The following RARB variants were observed in gnomAD, a reference collection of about 807,000 sequenced individuals.
RARB encodes the protein HBV-activated protein.
RARB carries 17 observed loss-of-function variants against 51.9 expected under a neutral mutation model. The ratio of observed to expected loss-of-function variants is 0.33; its 90% CI spans 0.22 to 0.49. The LOEUF (loss-of-function observed/expected upper bound fraction) is 0.49, where lower values mean the gene tolerates loss of function less well. RARB is among the 20% of genes least tolerant of loss of function. The pLI is 0.99. For synonymous variants in RARB, 215 were observed against 195.4 expected, an observed-to-expected ratio of 1.10 and a Z score of -0.84; for missense variants, 369 against 550.8, an observed-to-expected ratio of 0.67 and a Z score of 3.30.
chr3:25,516,451 T>C (rs1243157747), intron 3 of RARB, among the ~76,000 whole-genome samples: 3 of 152,196 alleles, frequency 2.0e-5, no homozygotes, highest in Non-Finnish European at 4.4e-5. Context: ...AGGTGCTTTA[T>C]ATTTTGATTC....
rs149674602 is a variant in RARB, at chr3:25,244,990, C to T, written c.178+70415C>T. Among the ~76,000 whole-genome samples, 344 of 152,162 alleles carry T rather than the reference C, an allele frequency of 2.3e-3. 1 individual carries two copies. Among genetic ancestry groups the T allele is most frequent in the African/African-American group, 6.5e-3 (268 of 41,542 alleles). On this transcript the variant is annotated intron_variant, in intron 5 of 11. Coordinates refer to the RARB transcript ENST00000383772. The stretch of plus-strand genomic sequence containing the variant: ...CTTGCTTTATGAATCTGGGTGCTCC[C>T]GTATTGGGTGCATATATATTTAGAA...
chr3:25,537,256 G>T (rs1041920139), intron 3 of RARB, among the ~76,000 whole-genome samples: 2 of 152,228 alleles, frequency 1.3e-5, no homozygotes, highest in Non-Finnish European at 2.9e-5. Context: ...CATCTGGAAA[G>T]GGCCATTTGA....
chr3:24,980,235 A>G (rs1199221375), intron 2 of RARB, among the ~76,000 whole-genome samples: 1 of 151,998 alleles, frequency 6.6e-6, no homozygotes, highest in African/African-American at 2.4e-5. Context: ...GGTGAATCTG[A>G]CAATTATGTG....
At chr3:25,129,568 T>A (rs1699912738) in intron 3 of RARB, among the ~76,000 whole-genome samples, 1 of 152,086 alleles carries the variant, frequency 6.6e-6, no homozygotes, top group Non-Finnish European at 1.5e-5. Context: ...TAAATTATAG[T>A]CATAGACTAC....
At chr3:24,845,484 G>A (rs1308212279) in intron 1 of RARB, among the ~76,000 whole-genome samples, 1 of 152,184 alleles carries the variant, frequency 6.6e-6, no homozygotes, top group Non-Finnish European at 1.5e-5. Context: ...GGGCAAGAGA[G>A]AGAGAGAATC....
chr3:25,182,250 A>G (rs1700877041), intron 5 of RARB, among the ~76,000 whole-genome samples: 1 of 152,216 alleles, frequency 6.6e-6, no homozygotes, highest in Admixed American at 6.5e-5. Context: ...AAATAAACTG[A>G]CTAGAAAATA....
intron 1 of RARB, among the ~76,000 whole-genome samples, chr3:24,852,645 A>T (rs1338516331): frequency 6.6e-6 from 1 of 152,228 alleles, no homozygotes; most frequent in East Asian, 1.9e-4. Flanking sequence ...TGATATATCT[A>T]TACAATTAAT....
At chr3:25,400,669 A>G (rs1355684849) in intron 5 of RARB, among the ~76,000 whole-genome samples, 1 of 152,192 alleles carries the variant, frequency 6.6e-6, no homozygotes, top group Non-Finnish European at 1.5e-5. Flanking sequence ...TATTTTATTC[A>G]TTTGAAAACC....
chr3:25,257,149 A>G (rs922846545), intron 5 of RARB, among the ~76,000 whole-genome samples: 3 of 152,134 alleles, frequency 2.0e-5, no homozygotes, highest in African/African-American at 7.2e-5. Flanking sequence ...GTTGACAGTA[A>G]GTTCAGCATG....
intron 2 of RARB, among the ~76,000 whole-genome samples, chr3:24,999,078 G>A (rs73143078): frequency 0.019 from 2,853 of 152,168 alleles, 78 homozygotes; most frequent in African/African-American, 0.065. Context: ...AGTGTATAAT[G>A]TACTTTTCTG....
At chr3:25,536,349 G>A (rs1359967479) in intron 3 of RARB, among the ~76,000 whole-genome samples, 3 of 152,120 alleles carry the variant, frequency 2.0e-5, no homozygotes, top group Non-Finnish European at 2.9e-5. Flanking sequence ...CACGACACTG[G>A]AATAAAGAAT....
chr3:25,340,124 C>T (rs544459484), intron 5 of RARB, among the ~76,000 whole-genome samples: 3 of 152,170 alleles, frequency 2.0e-5, no homozygotes, highest in Non-Finnish European at 2.9e-5. Flanking sequence ...AATGCAGAGA[C>T]CTGCTGACAT....
At chr3:25,254,993 C>G (rs542506782) in intron 5 of RARB, among the ~76,000 whole-genome samples, 48 of 152,268 alleles carry the variant, frequency 3.2e-4, no homozygotes, top group African/African-American at 1.1e-3. Context: ...CTACGACATT[C>G]TCAAAAAATA....
chr3:25,328,551 A>G (rs6799057), intron 5 of RARB, among the ~76,000 whole-genome samples: 34,444 of 152,072 alleles, frequency 0.23, 4,400 homozygotes, highest in African/African-American at 0.36. Context: ...AAGTGAAATA[A>G]GGGGGAGGTT....
intron 5 of RARB, among the ~76,000 whole-genome samples, chr3:25,212,167 T>C (rs771194062): frequency 6.6e-6 from 1 of 152,240 alleles, no homozygotes; most frequent in Non-Finnish European, 1.5e-5. Context: ...TTACCTAAAC[T>C]CTATTTTTAT....
At chr3:25,544,073 A>T (rs1334984280) in intron 3 of RARB, among the ~76,000 whole-genome samples, 2 of 152,244 alleles carry the variant, frequency 1.3e-5, no homozygotes, top group African/African-American at 2.4e-5. Context: ...ACACTCATAG[A>T]AGGGAACACT....
At chr3:25,370,101 T>C (rs1417815288) in intron 5 of RARB, among the ~76,000 whole-genome samples, 4 of 152,128 alleles carry the variant, frequency 2.6e-5, no homozygotes, top group African/African-American at 9.7e-5. Flanking sequence ...TATGCATATA[T>C]ACACACACAT....
chr3:25,090,953 C>G (rs1455554935), intron 3 of RARB, among the ~76,000 whole-genome samples: 1 of 152,080 alleles, frequency 6.6e-6, no homozygotes, highest in Non-Finnish European at 1.5e-5. Context: ...AAATATGAAG[C>G]CTATTGGCTG....
chr3:24,938,462 C>T (rs983937806), intron 2 of RARB, among the ~76,000 whole-genome samples: 1 of 152,062 alleles, frequency 6.6e-6, no homozygotes, highest in African/African-American at 2.4e-5. Flanking sequence ...TATTCTGTTT[C>T]TCGTTAATTA....
Sources: gnomAD v4.1 joint callset for allele counts (sites outside exome capture counted in the v4.1 genomes callset) on GRCh38, gnomAD v4.1.1 for gene constraint, MANE v1.5 for transcripts, NCBI Gene and HGNC (gene_info 2026-07-23, HGNC 2026-07-21) for gene names.